ATP8A1: variants seen among roughly 807,000 people sequenced by gnomAD.
ATP8A1 encodes the protein phospholipid-transporting ATPase IA.
In ATP8A1, 90 loss-of-function variants were observed where a neutral mutation model predicts 177.7. The ratio of observed to expected loss-of-function variants is 0.51; its 90% CI spans 0.43 to 0.60. ATP8A1 has a LOEUF of 0.60. ATP8A1 is among the 20% of genes least tolerant of loss of function. The probability of loss-of-function intolerance (pLI) is 0.00; values close to 1 mark genes in which losing one functional copy is unlikely to be tolerated. For synonymous variants in ATP8A1, 493 were observed against 485.9 expected, an observed-to-expected ratio of 1.01 and a Z score of -0.19; for missense variants, 1,072 against 1,392.8, an observed-to-expected ratio of 0.77 and a Z score of 3.67.
intron 2 of ATP8A1, 197 bp downstream of exon 2, chr4:42,626,798 T>G (rs1738149189): frequency 6.7e-6 from 4 of 592,940 alleles, no homozygotes; most frequent in Non-Finnish European, 6.0e-6. Context: ...TTATTCTTTC[T>G]GCTCCTCGCT....
chr4:42,455,900 A>ATATT (rs1489840269), intron 27 of ATP8A1, among the ~76,000 whole-genome samples: 1 of 152,212 alleles, frequency 6.6e-6, no homozygotes, highest in East Asian at 1.9e-4. Context: ...TTCAGAGAAT[A>ATATT]TATTTATATG....
At chr4:42,522,743 A>T (rs1726272070) in intron 21 of ATP8A1, among the ~76,000 whole-genome samples, 1 of 152,080 alleles carries the variant, frequency 6.6e-6, no homozygotes, top group South Asian at 2.1e-4. Flanking sequence ...TGCTTTTCCC[A>T]ACGACTGCCC....
At chr4:42,442,742 A>G (rs1407718332) in intron 33 of ATP8A1, among the ~76,000 whole-genome samples, 1 of 152,206 alleles carries the variant, frequency 6.6e-6, no homozygotes, top group Non-Finnish European at 1.5e-5. Flanking sequence ...GGCAGTACTT[A>G]GGGGCAACAA....
intron 15 of ATP8A1, among the ~76,000 whole-genome samples, chr4:42,559,769 A>T (rs1730623071): frequency 6.6e-6 from 1 of 152,136 alleles, no homozygotes; most frequent in African/African-American, 2.4e-5. Context: ...GCAGTGACAC[A>T]ATCTCAGCTC....
At chr4:42,414,556 G>A in intron 36 of ATP8A1, 71 bp downstream of exon 36, 1 of 1,307,556 alleles carries the variant, frequency 7.6e-7, no homozygotes. Flanking sequence ...CTAAAGTCAG[G>A]ATACTGTATA....
intron 30 of ATP8A1, among the ~76,000 whole-genome samples, chr4:42,450,667 A>T (rs1370329313): frequency 6.6e-6 from 1 of 152,202 alleles, no homozygotes; most frequent in African/African-American, 2.4e-5. Context: ...AATCTTAGCT[A>T]GAATATGAAA....
chr4:42,440,061 C>T (rs747238011), intron 33 of ATP8A1, among the ~76,000 whole-genome samples: 1 of 152,198 alleles, frequency 6.6e-6, no homozygotes, highest in Non-Finnish European at 1.5e-5. Context: ...GACAAGCACT[C>T]TCTCCTGATG....
rs1424794649 is a variant in ATP8A1 at position 42,481,278 on chromosome 4, C to A, written c.2324+4218G>T. 3.3e-5 allele frequency among the ~76,000 whole-genome samples: 5 copies of A among 152,168 alleles called. No individual in the cohort carries two copies. The East Asian group carries it at 9.6e-4, about 29-fold the overall frequency. ...AAAAGGGCTATGAGAGGTCCTCTGG[C>A]CCAGCAGCTTTCCAACCAGGACAAG... is the stretch of plus-strand genomic sequence containing the variant. On this transcript the variant is annotated intron_variant, in intron 25 of 36. Transcript: ENST00000381668.
At chr4:42,460,014 A>G (rs940220740) in intron 27 of ATP8A1, among the ~76,000 whole-genome samples, 2 of 152,016 alleles carry the variant, frequency 1.3e-5, no homozygotes, top group African/African-American at 4.8e-5. Context: ...GATGGTCTCG[A>G]TCTCCTGTCC....
intron 1 of ATP8A1, among the ~76,000 whole-genome samples, chr4:42,634,561 G>A (rs1211564185): frequency 6.6e-6 from 1 of 152,078 alleles, no homozygotes; most frequent in Non-Finnish European, 1.5e-5. Flanking sequence ...ATATAATCAA[G>A]GAGGGCATTA....
intron 22 of ATP8A1, among the ~76,000 whole-genome samples, chr4:42,519,375 T>C (rs1692323239): frequency 6.6e-6 from 1 of 152,192 alleles, no homozygotes; most frequent in South Asian, 2.1e-4. Context: ...ATTACAGGTG[T>C]GAGCCATCAC....
intron 1 of ATP8A1, among the ~76,000 whole-genome samples, chr4:42,646,793 A>G (rs1740582512): frequency 6.6e-6 from 1 of 152,362 alleles, no homozygotes; most frequent in Admixed American, 6.5e-5. Flanking sequence ...GATAATTCAC[A>G]TAAAATAATG....
At chr4:42,450,960 C>G (rs545596327) in intron 30 of ATP8A1, among the ~76,000 whole-genome samples, 1 of 152,294 alleles carries the variant, frequency 6.6e-6, no homozygotes, top group Non-Finnish European at 1.5e-5. Context: ...GTGGTGGCTG[C>G]TCTTTTGGAC....
chr4:42,462,683 C>G (rs1465811941), intron 27 of ATP8A1, among the ~76,000 whole-genome samples: 2 of 152,236 alleles, frequency 1.3e-5, no homozygotes, highest in African/African-American at 4.8e-5. Context: ...GGGGCACCAC[C>G]TAGTGGAGCT....
Position 42,505,514 on chromosome 4 carries a change from T to C in ATP8A1, c.2086+1502A>G, listed in dbSNP as rs547741477. On this transcript the variant is annotated intron_variant, in intron 23 of 36. Transcript: ENST00000381668. ...GTTCTGCATTTCACCATTATTTTCC[T>C]TCTCATATATATTCTTTCCATTTTC... Among the ~76,000 whole-genome samples, 9 of 152,364 alleles carry C rather than the reference T, an allele frequency of 5.9e-5. No individual in the cohort carries two copies. The East Asian group carries it at 1.3e-3, about 23-fold the overall frequency.
rs1187190523 is a variant in ATP8A1 at position 42,575,551 on chromosome 4, C to T, written c.1206+71G>A. 6 of 1,250,748 alleles carry T rather than the reference C, an allele frequency of 4.8e-6. No homozygotes were observed. In the East Asian group the frequency reaches 1.4e-4, roughly 29 times the overall value. The allele number at this position is 1,250,748 out of a possible 1,614,324, so 77.5% of individuals were successfully genotyped here. On this transcript the variant is annotated intron_variant, in intron 13 of 36. Transcript: ENST00000381668. ...AAGCTGTCCATTCATCTGCAGTTAT[C>T]ATATATGGCAGATACCACACCAAAT...
At chr4:42,610,360 T>C (rs923913879) in intron 5 of ATP8A1, among the ~76,000 whole-genome samples, 1 of 151,976 alleles carries the variant, frequency 6.6e-6, no homozygotes, top group Admixed American at 6.6e-5. Context: ...TCCCAGAAAA[T>C]ATGTTAATAT....
At chr4:42,624,655 A>C in intron 3 of ATP8A1, 21 bp from the exon 4 acceptor site, 1 of 1,210,670 alleles carries the variant, frequency 8.3e-7, no homozygotes. Flanking sequence ...AAAAAAAAAA[A>C]AGAGAAATCC....
At chr4:42,644,741 A>G (rs1740358950) in intron 1 of ATP8A1, among the ~76,000 whole-genome samples, 1 of 152,186 alleles carries the variant, frequency 6.6e-6, no homozygotes, top group African/African-American at 2.4e-5. Context: ...TGGCCAAATA[A>G]AGAGTCTCAA....
Sources: gnomAD v4.1 joint callset for allele counts (sites outside exome capture counted in the v4.1 genomes callset) on GRCh38, gnomAD v4.1.1 for gene constraint, MANE v1.5 for transcripts, NCBI Gene and HGNC (gene_info 2026-07-23, HGNC 2026-07-21) for gene names.